OSBPL8: variants seen among roughly 807,000 people sequenced by gnomAD.
OSBPL8 encodes oxysterol binding protein like 8.
OSBPL8 carries 59 observed loss-of-function variants against 125.5 expected under a neutral mutation model. That is an observed-to-expected ratio of 0.47 (90% CI 0.38 to 0.58). The LOEUF (loss-of-function observed/expected upper bound fraction) is 0.58, where lower values mean the gene tolerates loss of function less well. Among genes scored for constraint, OSBPL8 ranks in the 20% least tolerant of loss-of-function variants. The pLI is 0.00. For synonymous variants in OSBPL8, 330 were observed against 338.9 expected, an observed-to-expected ratio of 0.97 and a Z score of 0.29; for missense variants, 758 against 1,047.8, an observed-to-expected ratio of 0.72 and a Z score of 3.82.
chr12:76,365,377 T>C (rs987357564), intron 21 of OSBPL8, among the ~76,000 whole-genome samples: 2 of 152,234 alleles, frequency 1.3e-5, no homozygotes, highest in African/African-American at 4.8e-5. Flanking sequence ...GTTAAATTTG[T>C]TCTTTTAGAT....
chr12:76,361,285 C>CTAAA (rs1952195265), intron 21 of OSBPL8, among the ~76,000 whole-genome samples: 1 of 152,184 alleles, frequency 6.6e-6, no homozygotes, highest in Non-Finnish European at 1.5e-5. Context: ...AGCCTCTTTG[C>CTAAA]TAAAGCATAA....
intron 2 of OSBPL8, among the ~76,000 whole-genome samples, chr12:76,460,143 TG>T (rs1874541660): frequency 6.6e-6 from 1 of 152,128 alleles, no homozygotes; most frequent in Admixed American, 6.5e-5. Context: ...AAAATGAAGG[TG>T]GTAAGAGAAA....
intron 21 of OSBPL8, 146 bp from the exon 22 acceptor site, chr12:76,358,957 A>G (rs1322117241): frequency 1.2e-5 from 8 of 655,078 alleles, no homozygotes; most frequent in African/African-American, 1.1e-4. Flanking sequence ...AATTTAACAA[A>G]TGTGATGCAC....
intron 5 of OSBPL8, among the ~76,000 whole-genome samples, chr12:76,405,701 G>T (rs142691574): frequency 9.4e-4 from 143 of 152,064 alleles, no homozygotes; most frequent in South Asian, 8.1e-3. Context: ...TTACTACCTC[G>T]GTTTTCTGAA....
At chr12:76,433,100 G>A (rs1871039982) in intron 4 of OSBPL8, among the ~76,000 whole-genome samples, 1 of 152,152 alleles carries the variant, frequency 6.6e-6, no homozygotes, top group Non-Finnish European at 1.5e-5. Context: ...GACCACATAT[G>A]AAATGCCCAC....
intron 4 of OSBPL8, among the ~76,000 whole-genome samples, chr12:76,445,554 C>A (rs376585325): frequency 1.2e-4 from 18 of 151,980 alleles, no homozygotes; most frequent in African/African-American, 4.4e-4. Flanking sequence ...TTCAAATGGG[C>A]AAACATATGA....
intron 4 of OSBPL8, among the ~76,000 whole-genome samples, chr12:76,416,026 T>C (rs1868617955): frequency 6.6e-6 from 1 of 152,158 alleles, no homozygotes; most frequent in Non-Finnish European, 1.5e-5. Context: ...TTCTCCCTTC[T>C]GTTTCTAAAA....
At chr12:76,391,905 G>C (rs1953576837) in intron 10 of OSBPL8, among the ~76,000 whole-genome samples, 1 of 152,214 alleles carries the variant, frequency 6.6e-6, no homozygotes, top group Non-Finnish European at 1.5e-5. Context: ...GCTGATGAAA[G>C]TGGTTACAGA....
chr12:76,478,617 C>T (rs1877091700), intron 2 of OSBPL8, among the ~76,000 whole-genome samples: 1 of 151,578 alleles, frequency 6.6e-6, no homozygotes, highest in Non-Finnish European at 1.5e-5. Context: ...ACAAGAATAA[C>T]CATCTAATAA....
intron 17 of OSBPL8, 159 bp from the exon 18 acceptor site, chr12:76,373,592 G>A: frequency 2.2e-6 from 1 of 461,770 alleles, no homozygotes; most frequent in Non-Finnish European, 3.8e-6. Context: ...AGTTAGAAAT[G>A]TTTAATAAGA....
intron 14 of OSBPL8, 44 bp from the exon 15 acceptor site, chr12:76,384,394 A>G (rs764090581): frequency 4.7e-6 from 5 of 1,062,172 alleles, no homozygotes; most frequent in Non-Finnish European, 6.6e-6. Flanking sequence ...ATATAAAAAC[A>G]TGTTTATATA....
At position 76,378,498 on chromosome 12, in the gene OSBPL8, A is replaced by G; in HGVS notation, c.1683T>C (p.Asn561=). 6.2e-7 allele frequency: 1 copy of G among 1,605,304 alleles called. No individual in the cohort carries two copies. The highest frequency in any genetic ancestry group is 8.5e-7 in the Non-Finnish European group (1 of 1,173,012). ...TTGTCATTACATAATCTTCACCTCT[A>G]TTCAAGAAAGTTAACCGTGCTTCTC... ...LEGEARLTFL[N]RGEDYVMTMP... Residue 561 remains asparagine (N), a synonymous_variant, in exon 16 of 24, where the codon AAT becomes AAC. Coordinates refer to ENST00000261183, the MANE Select transcript of OSBPL8 (RefSeq NM_020841.5).
intron 6 of OSBPL8, among the ~76,000 whole-genome samples, chr12:76,400,890 G>A (rs1202287748): frequency 1.3e-5 from 2 of 150,672 alleles, no homozygotes; most frequent in Admixed American, 1.3e-4. Flanking sequence ...CTGGGTCAAC[G>A]CAATTCTTGT....
chr12:76,432,667 T>C (rs905199665), intron 4 of OSBPL8, among the ~76,000 whole-genome samples: 5 of 151,352 alleles, frequency 3.3e-5, no homozygotes, highest in Non-Finnish European at 5.9e-5. Flanking sequence ...AAGCCCAAAA[T>C]TAGCAGAAGG....
At chr12:76,394,570 G>A (rs1953713075) in intron 9 of OSBPL8, 75 bp downstream of exon 9, 2 of 1,034,654 alleles carry the variant, frequency 1.9e-6, no homozygotes, top group Non-Finnish European at 2.9e-6. Context: ...TATTTCCCCA[G>A]AATAATACAA....
intron 4 of OSBPL8, among the ~76,000 whole-genome samples, chr12:76,410,992 T>C (rs902342306): frequency 6.6e-6 from 1 of 152,156 alleles, no homozygotes; most frequent in Non-Finnish European, 1.5e-5. Flanking sequence ...CTGGTCAAAA[T>C]GGAAAACAAT....
intron 4 of OSBPL8, among the ~76,000 whole-genome samples, chr12:76,413,082 AT>A (rs1868296386): frequency 1.3e-5 from 2 of 152,232 alleles, no homozygotes; most frequent in Admixed American, 6.5e-5. Context: ...TTAATCAAAA[AT>A]TTAATAGAAA....
intron 1 of OSBPL8, among the ~76,000 whole-genome samples, chr12:76,497,294 T>C (rs756362509): frequency 1.1e-4 from 16 of 152,092 alleles, no homozygotes; most frequent in Non-Finnish European, 1.9e-4. Context: ...TCTGATGTTG[T>C]AGCATGAAAG....
At chr12:76,528,034 T>C (rs1020579671) in intron 1 of OSBPL8, among the ~76,000 whole-genome samples, 11 of 152,010 alleles carry the variant, frequency 7.2e-5, no homozygotes, top group Non-Finnish European at 1.6e-4. Flanking sequence ...ATATAAGCAT[T>C]ATTGTTGGCC....
Sources: allele counts gnomAD v4.1 joint callset (sites outside exome capture counted in the v4.1 genomes callset), GRCh38; gene constraint gnomAD v4.1.1; transcripts MANE v1.5; gene names NCBI Gene and HGNC (gene_info 2026-07-23, HGNC 2026-07-21).